RAB27B: variants seen among roughly 807,000 people sequenced by gnomAD.
The protein encoded by RAB27B is RAB27B, member RAS oncogene family.
A neutral mutation model predicts 24.6 loss-of-function variants in RAB27B; 15 were observed. The observed-to-expected ratio is 0.61, with a 90% CI of 0.41 to 0.94. The LOEUF is 0.94. Ranked by LOEUF, RAB27B falls within the 40% of genes least tolerant of loss-of-function variation. The pLI is 0.00. For synonymous variants in RAB27B, 105 were observed against 92.5 expected (o/e 1.14, Z -0.78); for missense variants, 261 against 266.8 (o/e 0.98, Z 0.15).
At chr18:54,766,924 G>A (rs372363551) in intron 2 of RAB27B, among the ~76,000 whole-genome samples, 48 of 152,302 alleles carry the variant, frequency 3.2e-4, no homozygotes, top group African/African-American at 1.2e-3. Context: ...CCTTGTGGAA[G>A]ATTATGACTG....
At chr18:54,835,016 A>C (rs1040521515) in intron 1 of RAB27B, among the ~76,000 whole-genome samples, 2 of 152,018 alleles carry the variant, frequency 1.3e-5, no homozygotes, top group Non-Finnish European at 2.9e-5. Flanking sequence ...AATCTAACTT[A>C]GGCAAGGTAA....
Position 54,864,109 on chromosome 18 carries a change from C to T in RAB27B, c.-19-13458C>T, listed in dbSNP as rs544582042. Among the ~76,000 whole-genome samples the T allele has an allele frequency of 2.4e-3, 371 of 152,204 alleles. 1 individual carries two copies. Among genetic ancestry groups the T allele is most frequent in the Non-Finnish European group, 4.6e-3 (313 of 68,002 alleles). On this transcript the variant is annotated intron_variant, in intron 1 of 5. Transcript: ENST00000262094. ...GCCAAACTGTTTTCCAAAGTGGCTGCTCCATTTACATTCCCACCAGCAATA... is the reference window on the plus strand; with the variant it reads ...GCCAAACTGTTTTCCAAAGTGGCTGTTCCATTTACATTCCCACCAGCAATA...
At chr18:54,718,023 A>G (rs924038560) in intron 1 of RAB27B, 2 of 152,222 alleles carry the variant, frequency 1.3e-5, no homozygotes, top group African/African-American at 4.8e-5. Context: ...AATGCTGTCC[A>G]GCACCTATTG....
intron 1 of RAB27B, among the ~76,000 whole-genome samples, chr18:54,850,840 G>A: frequency 6.7e-6 from 1 of 150,244 alleles, no homozygotes; most frequent in Non-Finnish European, 1.5e-5. Flanking sequence ...TGACTCTTTA[G>A]GAATACATAT....
At chr18:54,749,951 A>G (rs1176948823) in intron 2 of RAB27B, among the ~76,000 whole-genome samples, 1 of 152,228 alleles carries the variant, frequency 6.6e-6, no homozygotes, top group African/African-American at 2.4e-5. Flanking sequence ...TTAGAAATCC[A>G]TAGAGACAAG....
chr18:54,864,607 T>G (rs1380254339), intron 1 of RAB27B, among the ~76,000 whole-genome samples: 1 of 152,120 alleles, frequency 6.6e-6, no homozygotes, highest in Non-Finnish European at 1.5e-5. Context: ...TATATTTAGG[T>G]CTATGATCCA....
chr18:54,816,430 C>T (rs964149465), intron 2 of RAB27B, among the ~76,000 whole-genome samples: 2 of 152,094 alleles, frequency 1.3e-5, no homozygotes, highest in East Asian at 1.9e-4. Flanking sequence ...TAAGTATATC[C>T]GTGCCAAGAC....
At chr18:54,889,139 T>G in intron 5 of RAB27B, 85 bp from the exon 6 acceptor site, 1 of 1,288,458 alleles carries the variant, frequency 7.8e-7, no homozygotes, top group East Asian at 2.5e-5. Context: ...CCAGCCGTTT[T>G]TGCATGTGTG....
rs28638256 is a variant in RAB27B at position 54,743,930 on chromosome 18, T to A, written c.-20+25789T>A. ...GAAGCACAGACCAGTTACAGAGATATCACATCACAGTCCAGACAAGAGATG... is the reference window on the plus strand; with the variant it reads ...GAAGCACAGACCAGTTACAGAGATAACACATCACAGTCCAGACAAGAGATG... On this transcript the variant is annotated intron_variant, in intron 2 of 4. Transcript: ENST00000586570. Among the ~76,000 whole-genome samples, 34 of 152,174 alleles carry A rather than the reference T, an allele frequency of 2.2e-4. 1 individual carries two copies. The highest frequency in any genetic ancestry group is 8.2e-4 in the African/African-American group (34 of 41,436).
rs28638256 is a variant in RAB27B, at chr18:54,743,930, T to C, written c.-20+25789T>C. Among the ~76,000 whole-genome samples, 389 of 152,292 alleles carry C rather than the reference T, an allele frequency of 2.6e-3. 2 individuals carry two copies. Among genetic ancestry groups the C allele is most frequent in the African/African-American group, 9.0e-3 (375 of 41,558 alleles). ...GAAGCACAGACCAGTTACAGAGATA[T>C]CACATCACAGTCCAGACAAGAGATG... is the stretch of plus-strand genomic sequence containing the variant. On this transcript the variant is annotated intron_variant, in intron 2 of 4. Coordinates refer to the RAB27B transcript ENST00000586570.
chr18:54,769,083 A>G (rs1309475027), intron 2 of RAB27B, among the ~76,000 whole-genome samples: 2 of 152,188 alleles, frequency 1.3e-5, no homozygotes, highest in South Asian at 2.1e-4. Context: ...AAAAGTCCAC[A>G]GTCCATAGTC....
chr18:54,801,257 C>T (rs1207200392), intron 2 of RAB27B, among the ~76,000 whole-genome samples: 1 of 151,962 alleles, frequency 6.6e-6, no homozygotes, highest in African/African-American at 2.4e-5. Flanking sequence ...TCAAGTAATC[C>T]ACCCATCTTG....
rs144416133 is a variant in RAB27B, at chr18:54,835,979, A to C, written c.-20+7279A>C. On this transcript the variant is annotated intron_variant, in intron 1 of 5. Coordinates refer to ENST00000262094, the MANE Select transcript of RAB27B (RefSeq NM_004163.4). The stretch of plus-strand genomic sequence containing the variant: ...GTGCCCTCAGGAATGTACGTACTTG[A>C]TGAGAATTTATGCATCTGTGATTAC... Among the ~76,000 whole-genome samples, 193 of 152,076 alleles carry C rather than the reference A, an allele frequency of 1.3e-3. 4 individuals are homozygous for C. The highest frequency in any genetic ancestry group is 4.5e-3 in the African/African-American group (187 of 41,360).
chr18:54,746,448 T>A (rs1017849910), intron 2 of RAB27B, among the ~76,000 whole-genome samples: 6 of 152,214 alleles, frequency 3.9e-5, no homozygotes, highest in African/African-American at 1.4e-4. Flanking sequence ...CTTTATTCCA[T>A]GAAAAGCTTC....
intron 2 of RAB27B, among the ~76,000 whole-genome samples, chr18:54,752,098 G>A (rs1251245960): frequency 1.3e-5 from 2 of 152,132 alleles, no homozygotes; most frequent in Admixed American, 6.6e-5. Flanking sequence ...TGACATACAG[G>A]TGTGCATTTT....
intron 1 of RAB27B, among the ~76,000 whole-genome samples, chr18:54,849,838 C>T (rs1911487752): frequency 1.3e-5 from 2 of 152,148 alleles, no homozygotes; most frequent in South Asian, 4.2e-4. Flanking sequence ...GAATAGACCT[C>T]TGACACTCTT....
rs549957456 is a variant in RAB27B, at chr18:54,761,306, A to G, written c.-20+43165A>G. On this transcript the variant is annotated intron_variant, in intron 2 of 4. Coordinates refer to the RAB27B transcript ENST00000586570. ...TAAAAAGAAATATTTTCACTCAAAT[A>G]GATAGAGTGAATCAAAATATAGAGT... Among the ~76,000 whole-genome samples the G allele has an allele frequency of 1.4e-4, 22 of 152,126 alleles. No individual in the cohort carries two copies. In the East Asian group the frequency reaches 4.0e-3, roughly 28 times the overall value.
At position 54,889,243 on chromosome 18, in the gene RAB27B, A is replaced by T; in HGVS notation, c.487A>T (p.Ser163Cys). The T allele has an allele frequency of 6.2e-7, 1 of 1,606,834 alleles. No homozygotes were observed. ...TGCTAGCATACCATATTTTGAAACA[A>T]GTGCAGCAACTGGACAGAATGTGGA... is the stretch of plus-strand genomic sequence containing the variant. ...DKYGIPYFETSAATGQNVEKA... is the reference protein window; with the variant it reads ...DKYGIPYFETCAATGQNVEKA... Residue 163 changes from serine to cysteine, a missense_variant, in exon 6 of 6, where the codon AGT becomes TGT. By Grantham distance (112) the Ser-to-Cys change is moderately radical (BLOSUM62 -1). Transcript: ENST00000262094.
At chr18:54,790,403 C>A (rs956129198) in intron 2 of RAB27B, among the ~76,000 whole-genome samples, 1 of 152,096 alleles carries the variant, frequency 6.6e-6, no homozygotes, top group African/African-American at 2.4e-5. Flanking sequence ...TTTTCTCTAG[C>A]CACTGCCATG....
Sources: gnomAD v4.1 joint callset for allele counts (sites outside exome capture counted in the v4.1 genomes callset) on GRCh38, gnomAD v4.1.1 for gene constraint, MANE v1.5 for transcripts, NCBI Gene and HGNC (gene_info 2026-07-23, HGNC 2026-07-21) for gene names.